The following PHKB variants were observed in gnomAD, a reference collection of about 807,000 sequenced individuals.
PHKB encodes the protein phosphorylase b kinase regulatory subunit beta.
In PHKB, 122 loss-of-function variants were observed where a neutral mutation model predicts 152.1. The observed-to-expected ratio is 0.80, with a 90% CI of 0.69 to 0.93. PHKB has a LOEUF of 0.93. PHKB is among the 40% of genes least tolerant of loss of function. The pLI is 0.00. For synonymous variants in PHKB, 436 were observed against 464.9 expected, an observed-to-expected ratio of 0.94 and a Z score of 0.80; for missense variants, 1,304 against 1,328.4, an observed-to-expected ratio of 0.98 and a Z score of 0.29.
intron 26 of PHKB, among the ~76,000 whole-genome samples, chr16:47,686,538 C>T (rs570823202): frequency 1.3e-5 from 2 of 152,220 alleles, no homozygotes; most frequent in African/African-American, 2.4e-5. Context: ...AAAGTAAGTT[C>T]GATGAGCAAT....
chr16:47,508,005 G>A (rs1970449684), intron 4 of PHKB, among the ~76,000 whole-genome samples: 1 of 152,196 alleles, frequency 6.6e-6, no homozygotes, highest in South Asian at 2.1e-4. Flanking sequence ...TTCATTCACT[G>A]TTTGACCTCT....
rs558427858 is a variant in PHKB at position 47,559,129 on chromosome 16, C to T, written c.710+11581C>T. 2.6e-5 allele frequency among the ~76,000 whole-genome samples: 4 copies of T among 152,246 alleles called. No homozygotes were observed. In the East Asian group the frequency reaches 5.8e-4, roughly 22 times the overall value. ...TATGCATTGGGGCCTAAGGGAGCTC[C>T]TGGGTCATCGGGAACACATTCTTAA... On this transcript the variant is annotated intron_variant, in intron 7 of 30. Coordinates refer to ENST00000323584, the MANE Select transcript of PHKB (RefSeq NM_000293.3).
intron 1 of PHKB, among the ~76,000 whole-genome samples, chr16:47,480,584 A>G (rs1216389656): frequency 2.6e-5 from 4 of 152,206 alleles, no homozygotes; most frequent in African/African-American, 9.7e-5. Flanking sequence ...AAAACTGACA[A>G]GTTCAAGGCT....
At chr16:47,606,615 C>T (rs1209321536) in intron 13 of PHKB, among the ~76,000 whole-genome samples, 3 of 152,130 alleles carry the variant, frequency 2.0e-5, no homozygotes, top group East Asian at 1.9e-4. Context: ...TTTACAGATG[C>T]GGACTTGCTG....
intron 9 of PHKB, among the ~76,000 whole-genome samples, chr16:47,588,668 T>G (rs1273674016): frequency 6.6e-6 from 1 of 152,226 alleles, no homozygotes; most frequent in Non-Finnish European, 1.5e-5. Context: ...CCATTTTAAT[T>G]AATATTTTGA....
chr16:47,594,100 G>A (rs766504224), intron 11 of PHKB, 37 bp from the exon 12 acceptor site: 2 of 1,069,450 alleles, frequency 1.9e-6, no homozygotes, highest in African/African-American at 1.6e-5. Context: ...TCCTTATTAA[G>A]CTCAGCTGCT....
intron 20 of PHKB, among the ~76,000 whole-genome samples, chr16:47,658,767 G>A (rs145954185): frequency 6.6e-6 from 1 of 150,766 alleles, no homozygotes; most frequent in African/African-American, 2.4e-5. Context: ...GCCTAATGAT[G>A]CATTTCTCAG....
intron 10 of PHKB, among the ~76,000 whole-genome samples, chr16:47,592,286 T>C (rs888375867): frequency 2.0e-5 from 3 of 152,234 alleles, no homozygotes; most frequent in Non-Finnish European, 2.9e-5. Context: ...TGCTGAGTAT[T>C]CACCTGTGGT....
chr16:47,665,130 A>G, intron 25 of PHKB, 155 bp downstream of exon 25: 1 of 646,252 alleles, frequency 1.5e-6, no homozygotes. Context: ...TTAGTTATTG[A>G]CTTAATTTTC....
intron 14 of PHKB, among the ~76,000 whole-genome samples, chr16:47,617,947 C>T (rs1185010770): frequency 1.3e-5 from 2 of 152,216 alleles, no homozygotes; most frequent in South Asian, 4.1e-4. Context: ...GGAGAAAAGC[C>T]CTGCTTTATT....
chr16:47,598,208 A>G (rs560352120), intron 13 of PHKB, among the ~76,000 whole-genome samples: 2 of 152,286 alleles, frequency 1.3e-5, no homozygotes, highest in Non-Finnish European at 2.9e-5. Flanking sequence ...ATTTTATCAC[A>G]TTTGAAAATA....
At chr16:47,508,397 A>G (rs1357365269) in intron 4 of PHKB, among the ~76,000 whole-genome samples, 2 of 152,156 alleles carry the variant, frequency 1.3e-5, no homozygotes, top group Admixed American at 6.5e-5. Context: ...GAGGGCAGAC[A>G]TTTGCTTTAT....
At chr16:47,589,845 C>T (rs1450360045) in intron 10 of PHKB, among the ~76,000 whole-genome samples, 1 of 152,200 alleles carries the variant, frequency 6.6e-6, no homozygotes, top group Non-Finnish European at 1.5e-5. Context: ...AGAGCAGTGG[C>T]ATGATCTCAG....
At chr16:47,593,881 G>A (rs1378225090) in intron 11 of PHKB, among the ~76,000 whole-genome samples, 1 of 152,080 alleles carries the variant, frequency 6.6e-6, no homozygotes, top group Non-Finnish European at 1.5e-5. Context: ...GTGAATGTCT[G>A]TAACATTTAT....
chr16:47,571,478 C>T (rs1971657254), intron 7 of PHKB, among the ~76,000 whole-genome samples: 1 of 152,080 alleles, frequency 6.6e-6, no homozygotes, highest in African/African-American at 2.4e-5. Context: ...CCTGTCGTTC[C>T]CCCTCATCCC....
At chr16:47,502,114 T>C (rs929666297) in intron 3 of PHKB, among the ~76,000 whole-genome samples, 2 of 152,204 alleles carry the variant, frequency 1.3e-5, no homozygotes, top group Non-Finnish European at 1.5e-5. Flanking sequence ...GTAATTATAA[T>C]ATACTTTTTA....
intron 7 of PHKB, chr16:47,566,056 A>T (rs554563464): frequency 1.5e-6 from 1 of 668,794 alleles, no homozygotes; most frequent in African/African-American, 1.8e-5. Flanking sequence ...TCCCTGTGGT[A>T]CCCACTGCCA....
chr16:47,572,437 G>T (rs1016167832), intron 7 of PHKB, among the ~76,000 whole-genome samples: 1 of 152,172 alleles, frequency 6.6e-6, no homozygotes, highest in Non-Finnish European at 1.5e-5. Context: ...ATTTATTTAT[G>T]ATTTTGTTTC....
At chr16:47,596,323 G>T in intron 12 of PHKB, 50 bp from the exon 13 acceptor site, 2 of 1,255,142 alleles carry the variant, frequency 1.6e-6, no homozygotes, top group South Asian at 2.4e-5. Flanking sequence ...CATGAGAATG[G>T]ACTAATACAG....
Sources: allele counts gnomAD v4.1 joint callset (sites outside exome capture counted in the v4.1 genomes callset), GRCh38; gene constraint gnomAD v4.1.1; transcripts MANE v1.5; gene names NCBI Gene and HGNC (gene_info 2026-07-23, HGNC 2026-07-21).